The following SULT1A1 variants were observed in gnomAD, a reference collection of about 807,000 sequenced individuals.
SULT1A1 encodes the protein sulfotransferase family 1A member 1.
SULT1A1 carries 35 observed loss-of-function variants against 36.8 expected under a neutral mutation model. The observed-to-expected ratio is 0.95, with a 90% CI of 0.73 to 1.26. SULT1A1 has a LOEUF of 1.26. Among genes scored for constraint, SULT1A1 ranks in the 50% most tolerant of loss-of-function variants. The pLI, the probability that SULT1A1 is intolerant of heterozygous loss-of-function variation, is 0.00. For missense variants in SULT1A1, 309 were observed against 383.0 expected (o/e 0.81, Z 1.61); for synonymous variants, 119 against 146.0 (o/e 0.82, Z 1.33).
At chr16:28,610,191 G>T (rs1247014038), upstream of SULT1A1, 4 of 1,284,262 alleles carry the variant, frequency 3.1e-6, no homozygotes, top group Non-Finnish European at 4.1e-6. Flanking sequence ...GACTGAGTTT[G>T]CTGTGTAGAA....
chr16:28,620,174 A>G, intron 1 of SULT1A1: 1 of 1,583,746 alleles, frequency 6.3e-7, no homozygotes, highest in Admixed American at 1.7e-5. Flanking sequence ...AAGATTCAGT[A>G]GAGTACTGTA....
chr16:28,618,084 G>A (rs1596652654), intron 2 of SULT1A1, among the ~76,000 whole-genome samples: 1 of 145,896 alleles, frequency 6.9e-6, no homozygotes, highest in South Asian at 2.1e-4. Flanking sequence ...CTGTCACTCA[G>A]GCTGGTGTGC....
At position 28,605,881 on chromosome 16, in the gene SULT1A1, G is replaced by A. The variant is rs1336238388; in HGVS notation, c.828C>T (p.Phe276=). ...TTFTVAQNER[F]DADYAEKMAG... Reference sequence around the variant, plus strand: ...CCATCTTCTCCGCATAGTCCGCATCGAAGCGCTCATTCTGCGCCACGGTGA... The same window carrying A: ...CCATCTTCTCCGCATAGTCCGCATCAAAGCGCTCATTCTGCGCCACGGTGA... The change falls in exon 8 of 8, where the codon TTC becomes TTT. Residue 276 remains phenylalanine (F), a synonymous_variant. Coordinates refer to ENST00000314752, the MANE Select transcript of SULT1A1 (RefSeq NM_001055.4). 18 of 1,609,530 alleles carry A rather than the reference G, an allele frequency of 1.1e-5. No individual in the cohort carries two copies. The highest frequency in any genetic ancestry group is 2.7e-5 in the African/African-American group (2 of 74,778).
intron 2 of SULT1A1, among the ~76,000 whole-genome samples, chr16:28,618,781 C>T (rs2047595986): frequency 6.6e-6 from 1 of 152,176 alleles, no homozygotes; most frequent in African/African-American, 2.4e-5. Flanking sequence ...AAGTTCTTTT[C>T]ACCAGGACTC....
At position 28,621,141 on chromosome 16, in the gene SULT1A1, CAATTTCACT is replaced by C. The variant is rs145226174; in HGVS notation, c.68-1017_68-1009del. ...AAAAAAAAAGAAAAGAAAAAGAGAA[CAATTTCACT>C]AATTTCACTAGTTGTTTCCTCATTT... On this transcript the variant is annotated intron_variant, in intron 1 of 5. Transcript: ENST00000350842. Among the ~76,000 whole-genome samples the C allele has an allele frequency of 2.1e-3, 310 of 150,020 alleles. 2 individuals are homozygous for C. The highest frequency in any genetic ancestry group is 7.4e-3 in the African/African-American group (301 of 40,942).
rs1306859498 is a variant in SULT1A1, at chr16:28,605,480, C to T, written c.*341G>A. ...AGGGATGATGTCTTGTAATGTTGAA[C>T]AGGCTGGTCCCAAACTCCTGTCCTC... is the stretch of plus-strand genomic sequence containing the variant. On this transcript the variant is annotated 3_prime_UTR_variant, in exon 8 of 8. Coordinates refer to ENST00000314752, the MANE Select transcript of SULT1A1 (RefSeq NM_001055.4). 4 of 414,716 alleles carry T rather than the reference C, an allele frequency of 9.6e-6. No individual in the cohort carries two copies. Among genetic ancestry groups the T allele is most frequent in the African/African-American group, 2.0e-5 (1 of 50,484 alleles). The allele number at this position is 414,716 out of a possible 1,614,324, so 25.7% of individuals were successfully genotyped here. A position where few individuals can be genotyped will look rare whatever the true frequency, so the allele number is the denominator to read the frequency against.
At position 28,623,150 on chromosome 16, in the gene SULT1A1, C is replaced by G. The variant is rs565652051; in HGVS notation, c.48G>C (p.Ala16=). Residue 16 remains alanine, a synonymous_variant, in exon 1 of 6, where the codon GCG becomes GCC. Coordinates refer to the SULT1A1 transcript ENST00000350842. Reference sequence around the variant, plus strand: ...CCTCACCGGCGTAGAAGGCCGAGACCGCGATGGGCGCACCGACCACCTGGT... The same window carrying G: ...CCTCACCGGCGTAGAAGGCCGAGACGGCGATGGGCGCACCGACCACCTGGT... The G allele has an allele frequency of 3.3e-5, 51 of 1,541,690 alleles. No homozygotes were observed. In the East Asian group the frequency reaches 1.0e-3, roughly 31 times the overall value.
upstream of SULT1A1, chr16:28,610,275 T>TTTG (rs2047401190): frequency 6.3e-6 from 7 of 1,112,720 alleles, no homozygotes; most frequent in Non-Finnish European, 6.8e-6. Flanking sequence ...TTTTTTTTTT[T>TTTG]TTTTTTTTTT....
upstream of SULT1A1, chr16:28,610,992 T>G (rs1478574213): frequency 6.6e-6 from 1 of 152,484 alleles, no homozygotes; most frequent in Non-Finnish European, 1.5e-5. Flanking sequence ...GGCATGGGAA[T>G]TCCAGGCAGA....
At chr16:28,616,718 C>T (rs530039520) in intron 2 of SULT1A1, among the ~76,000 whole-genome samples, 1 of 152,244 alleles carries the variant, frequency 6.6e-6, no homozygotes, top group Non-Finnish European at 1.5e-5. Context: ...CCACCACACC[C>T]GACGTACTTC....
At chr16:28,617,786 T>A (rs1410630038) in intron 2 of SULT1A1, among the ~76,000 whole-genome samples, 1 of 152,044 alleles carries the variant, frequency 6.6e-6, no homozygotes, top group Non-Finnish European at 1.5e-5. Context: ...GTGATCCGCC[T>A]GCCAAAGTGC....
chr16:28,609,863 T>G (rs2047377772), intron 1 of SULT1A1, 68 bp downstream of exon 1: 8 of 1,229,702 alleles, frequency 6.5e-6, no homozygotes, highest in East Asian at 5.7e-5. Flanking sequence ...GGCCTCAGCT[T>G]CTGGAATGTT....
upstream of SULT1A1, chr16:28,611,277 A>C (rs1243137903): frequency 2.6e-5 from 4 of 152,130 alleles, no homozygotes; most frequent in African/African-American, 9.7e-5. Flanking sequence ...TGAGGAGAAG[A>C]AGGAAACTTG....
rs200705344 is a variant in SULT1A1 at position 28,606,976 on chromosome 16, G to A, written c.474C>T (p.Phe158=). The change falls in exon 5 of 8, where the codon TTC becomes TTT. Residue 158 remains phenylalanine (F), a synonymous_variant. Coordinates refer to ENST00000314752, the MANE Select transcript of SULT1A1 (RefSeq NM_001055.4). ...CTTCTCCGACCATGAACTTCTCCAG[G>A]AAGCTGTCCCAGGTCCCAGGCTCAG... The part of the protein sequence containing the change: ...VHPEPGTWDS[F]LEKFMVGEVS... 6.2e-7 allele frequency: 1 copy of A among 1,612,516 alleles called. No homozygotes were observed. The highest frequency in any genetic ancestry group is 8.5e-7 in the Non-Finnish European group (1 of 1,178,718).
intron 1 of SULT1A1, chr16:28,609,285 A>G: frequency 1.6e-6 from 2 of 1,260,826 alleles, no homozygotes; most frequent in Non-Finnish European, 2.0e-6. Flanking sequence ...CACCCAGTGG[A>G]GATGCTCCCC....
In SULT1A1 at chr16:28,605,729, C is replaced by A. The variant is rs2047146495; in HGVS notation, c.*92G>T. ...TTGCTGGGATTACAGACATGACCTA[C>A]CGTCCCGGGCCCTCAATTCATATTT... On this transcript the variant is annotated 3_prime_UTR_variant, in exon 8 of 8. Transcript: ENST00000314752. 2.5e-6 allele frequency: 4 copies of A among 1,578,452 alleles called. No homozygotes were observed. Among genetic ancestry groups the A allele is most frequent in the Non-Finnish European group, 3.5e-6 (4 of 1,159,054 alleles).
At chr16:28,620,760 C>T (rs957467927) in intron 1 of SULT1A1, among the ~76,000 whole-genome samples, 1 of 152,102 alleles carries the variant, frequency 6.6e-6, no homozygotes, top group Non-Finnish European at 1.5e-5. Flanking sequence ...ACCTTCCAAA[C>T]ATTTTGTGAA....
At chr16:28,610,457 C>G, upstream of SULT1A1, 1 of 348,362 alleles carries the variant, frequency 2.9e-6, no homozygotes, top group Admixed American at 4.4e-5. Context: ...CCAGGCCAGT[C>G]TTGAAGGTGC....
chr16:28,606,721 C>A (rs1447740525), intron 6 of SULT1A1, 40 bp downstream of exon 6: 1 of 1,606,558 alleles, frequency 6.2e-7, no homozygotes, highest in South Asian at 1.1e-5. Context: ...GTGCCTGCCC[C>A]CAGGAGTCAC....
Sources: gnomAD v4.1 joint callset for allele counts (sites outside exome capture counted in the v4.1 genomes callset) on GRCh38, gnomAD v4.1.1 for gene constraint, MANE v1.5 for transcripts, NCBI Gene and HGNC (gene_info 2026-07-23, HGNC 2026-07-21) for gene names.